The following MYLK variants were observed in gnomAD, a reference collection of about 807,000 sequenced individuals.
The protein encoded by MYLK is myosin light chain kinase, smooth muscle.
A neutral mutation model predicts 203.4 loss-of-function variants in MYLK; 106 were observed. The observed-to-expected ratio is 0.52, with a 90% CI of 0.45 to 0.61. The LOEUF (loss-of-function observed/expected upper bound fraction) is 0.61, where lower values mean the gene tolerates loss of function less well. Ranked by LOEUF, MYLK falls within the 20% of genes least tolerant of loss-of-function variation. The probability of loss-of-function intolerance (pLI) is 0.00; values close to 1 mark genes in which losing one functional copy is unlikely to be tolerated. For missense variants in MYLK, 2,072 were observed against 2,442.3 expected (o/e 0.85, Z 3.20); for synonymous variants, 867 against 959.5 (o/e 0.90, Z 1.78).
At chr3:123,749,849 T>C (rs2063141505) in intron 5 of MYLK, among the ~76,000 whole-genome samples, 1 of 152,244 alleles carries the variant, frequency 6.6e-6, no homozygotes, top group Admixed American at 6.5e-5. Flanking sequence ...TTCTTTCCAT[T>C]GCACAACACT....
intron 2 of MYLK, among the ~76,000 whole-genome samples, chr3:123,873,170 G>C (rs1048788074): frequency 7.2e-5 from 11 of 152,060 alleles, no homozygotes; most frequent in Non-Finnish European, 1.3e-4. Flanking sequence ...GAAAAAGTTT[G>C]CCAACTCATG....
At chr3:123,836,384 T>C (rs903294223) in intron 2 of MYLK, among the ~76,000 whole-genome samples, 18 of 152,338 alleles carry the variant, frequency 1.2e-4, no homozygotes, top group East Asian at 1.2e-3. Flanking sequence ...TGAAAATACA[T>C]GTATATTTTT....
chr3:123,854,662 G>T (rs941541582), intron 2 of MYLK, among the ~76,000 whole-genome samples: 3 of 152,118 alleles, frequency 2.0e-5, no homozygotes, highest in Non-Finnish European at 4.4e-5. Context: ...TTTCCTATCT[G>T]TGGGTGATGG....
At chr3:123,829,300 T>C (rs1288063879) in intron 3 of MYLK, among the ~76,000 whole-genome samples, 3 of 152,100 alleles carry the variant, frequency 2.0e-5, no homozygotes, top group South Asian at 2.1e-4. Flanking sequence ...GCAACACGGA[T>C]AGAACTGGAG....
intron 17 of MYLK, 23 bp from the exon 18 acceptor site, chr3:123,701,028 G>A: frequency 6.3e-7 from 1 of 1,599,844 alleles, no homozygotes; most frequent in Non-Finnish European, 8.5e-7. Flanking sequence ...TAGGGAAAAA[G>A]GAAAGTAGCA....
intron 5 of MYLK, among the ~76,000 whole-genome samples, chr3:123,741,595 T>C (rs1296610643): frequency 6.6e-6 from 1 of 152,102 alleles, no homozygotes; most frequent in Non-Finnish European, 1.5e-5. Flanking sequence ...TGAGGAAAAA[T>C]CATAAGCTTT....
intron 13 of MYLK, among the ~76,000 whole-genome samples, chr3:123,714,213 A>C (rs1464674852): frequency 6.6e-6 from 1 of 152,172 alleles, no homozygotes; most frequent in Non-Finnish European, 1.5e-5. Flanking sequence ...TCAGAGAAAG[A>C]AGCTCGCCTG....
intron 4 of MYLK, among the ~76,000 whole-genome samples, chr3:123,763,624 C>T (rs187400671): frequency 6.6e-6 from 1 of 152,138 alleles, no homozygotes; most frequent in African/African-American, 2.4e-5. Flanking sequence ...GCAATTCTGG[C>T]ATCCAGTGTT....
chr3:123,724,139 C>CTTTTTTTTTT (rs5852359), intron 12 of MYLK, among the ~76,000 whole-genome samples: 1 of 80,850 alleles, frequency 1.2e-5, no homozygotes, highest in African/African-American at 5.3e-5. Context: ...CTAAGTTTTG[C>CTTTTTTTTTT]TTTTTTTTTT....
Position 123,798,232 on chromosome 3 carries a change from G to C in MYLK, c.-3-4388C>G, listed in dbSNP as rs565596928. 1.4e-4 allele frequency among the ~76,000 whole-genome samples: 22 copies of C among 152,226 alleles called. No individual in the cohort carries two copies. The South Asian group carries it at 3.5e-3, about 24-fold the overall frequency. On this transcript the variant is annotated intron_variant, in intron 3 of 33. Transcript: ENST00000360304. ...GTCTAAGGTCACACAGCTAAAAAGT[G>C]AAAACCAAATCAAGGTCTGATTACA... is the stretch of plus-strand genomic sequence containing the variant.
chr3:123,653,352 C>T (rs567187333), intron 24 of MYLK, among the ~76,000 whole-genome samples: 9 of 152,070 alleles, frequency 5.9e-5, no homozygotes, highest in Admixed American at 5.2e-4. Context: ...CTGAGCAGAC[C>T]GTGGAGGACT....
intron 1 of MYLK, 92 bp downstream of exon 1, chr3:123,884,114 G>A (rs1222928419): frequency 6.6e-6 from 1 of 151,878 alleles, no homozygotes; most frequent in Admixed American, 6.6e-5. Context: ...CACAGACGGT[G>A]GGGGTCCCAG....
chr3:123,847,770 GTAAA>G lies in MYLK; in HGVS notation c.-126-16104_-126-16101del, dbSNP rs1475449013. 3.3e-5 allele frequency among the ~76,000 whole-genome samples: 5 copies of G among 152,148 alleles called. No individual in the cohort carries two copies. In the South Asian group the frequency reaches 1.0e-3, roughly 32 times the overall value. ...TTCACAAACTCTACTTAATCAGAAT[GTAAA>G]TATTTGAAATAGATTTGTAAATATT... On this transcript the variant is annotated intron_variant, in intron 2 of 33. Transcript: ENST00000360304.
At chr3:123,771,080 T>C (rs1456180987) in intron 4 of MYLK, among the ~76,000 whole-genome samples, 4 of 152,200 alleles carry the variant, frequency 2.6e-5, no homozygotes, top group Non-Finnish European at 5.9e-5. Context: ...GAAAGAAATA[T>C]TCCATTTCAT....
chr3:123,759,329 G>A (rs756729473), intron 4 of MYLK, among the ~76,000 whole-genome samples: 23 of 152,270 alleles, frequency 1.5e-4, no homozygotes, highest in Admixed American at 7.2e-4. Flanking sequence ...GGGTCTCCAC[G>A]GATACTGTGT....
At chr3:123,790,195 A>G (rs2064719466) in intron 4 of MYLK, among the ~76,000 whole-genome samples, 1 of 152,192 alleles carries the variant, frequency 6.6e-6, no homozygotes, top group Non-Finnish European at 1.5e-5. Context: ...ACCTGTATTC[A>G]AGGCAGGAAG....
intron 5 of MYLK, among the ~76,000 whole-genome samples, chr3:123,751,795 T>C (rs1414230534): frequency 6.6e-6 from 1 of 151,828 alleles, no homozygotes; most frequent in Non-Finnish European, 1.5e-5. Context: ...AGGGCTGGGA[T>C]GGTTGGGAAA....
At chr3:123,633,341 G>A (rs1416902604) in intron 29 of MYLK, among the ~76,000 whole-genome samples, 2 of 151,874 alleles carry the variant, frequency 1.3e-5, no homozygotes, top group East Asian at 3.9e-4. Context: ...TGCCCAGGCT[G>A]GTCTCAAACT....
intron 4 of MYLK, among the ~76,000 whole-genome samples, chr3:123,755,021 G>A (rs950570469): frequency 3.3e-5 from 5 of 152,202 alleles, no homozygotes; most frequent in African/African-American, 1.2e-4. Flanking sequence ...CACTGTTAAA[G>A]TATTCTTCTC....
Sources: allele counts gnomAD v4.1 joint callset (sites outside exome capture counted in the v4.1 genomes callset), GRCh38; gene constraint gnomAD v4.1.1; transcripts MANE v1.5; gene names NCBI Gene and HGNC (gene_info 2026-07-23, HGNC 2026-07-21).